The following CNTLN variants were observed in gnomAD, a reference collection of about 807,000 sequenced individuals.
CNTLN encodes the protein centlein, centrosomal protein.
A neutral mutation model predicts 180.0 loss-of-function variants in CNTLN; 212 were observed. The observed-to-expected ratio is 1.18, with a 90% confidence interval of 1.05 to 1.32. The LOEUF is 1.32. Among genes scored for constraint, CNTLN ranks in the 40% most tolerant of loss-of-function variants. The probability of loss-of-function intolerance (pLI) is 0.00; values close to 1 mark genes in which losing one functional copy is unlikely to be tolerated. For missense variants in CNTLN, 2,095 were observed against 1,610.9 expected, an observed-to-expected ratio of 1.30 and a Z score of -5.14; for synonymous variants, 722 against 563.1, an observed-to-expected ratio of 1.28 and a Z score of -3.99.
At chr9:17,380,543 G>A (rs1825158789) in intron 13 of CNTLN, among the ~76,000 whole-genome samples, 1 of 152,164 alleles carries the variant, frequency 6.6e-6, no homozygotes, top group Non-Finnish European at 1.5e-5. Flanking sequence ...CGTACAACAA[G>A]TCTGGTTGGG....
At chr9:17,508,999 G>A in the CNTLN span, among the ~76,000 whole-genome samples, 942 of 152,330 alleles carry the variant, frequency 6.2e-3, 10 homozygotes, top group African/African-American at 0.022. Context: ...CCTCAGCGAG[G>A]AGGATTTTAA....
chr9:17,290,235 C>G (rs1323199123), intron 6 of CNTLN, among the ~76,000 whole-genome samples: 1 of 152,032 alleles, frequency 6.6e-6, no homozygotes. Flanking sequence ...TCAGACAGGA[C>G]CCTCAGCTGC....
Position 17,502,700 on chromosome 9 carries a change from T to C in CNTLN, c.*48T>C. ...GCAAATGTGAAAACTTTTTATGTGG[T>C]GTGATTGGAATACATGCATTGCAAT... is the stretch of plus-strand genomic sequence containing the variant. On this transcript the variant is annotated 3_prime_UTR_variant, in exon 26 of 26. Coordinates refer to ENST00000380647, the MANE Select transcript of CNTLN (RefSeq NM_017738.4). The C allele has an allele frequency of 1.4e-6, 1 of 708,034 alleles. No individual in the cohort carries two copies. The highest frequency in any genetic ancestry group is 2.1e-5 in the South Asian group (1 of 46,892). 43.9% of individuals were successfully genotyped at this position (708,034 alleles called of 1,614,324 possible).
At chr9:17,368,669 G>T (rs752164849) in intron 13 of CNTLN, among the ~76,000 whole-genome samples, 1 of 152,186 alleles carries the variant, frequency 6.6e-6, no homozygotes, top group African/African-American at 2.4e-5. Flanking sequence ...GACTCTGTTT[G>T]TTTGGGAGAA....
At chr9:17,215,960 G>A (rs951963335) in intron 2 of CNTLN, among the ~76,000 whole-genome samples, 26 of 152,214 alleles carry the variant, frequency 1.7e-4, no homozygotes, top group African/African-American at 1.9e-4. Context: ...CACAGCTTCC[G>A]TTTGCTAGGA....
At chr9:17,287,121 C>G (rs1829034088) in intron 6 of CNTLN, among the ~76,000 whole-genome samples, 1 of 124,010 alleles carries the variant, frequency 8.1e-6, no homozygotes, top group Non-Finnish European at 1.7e-5. Context: ...TTTGCCCATT[C>G]AGTATGATAT....
chr9:17,466,192 C>G (rs1831737500), intron 22 of CNTLN, 74 bp downstream of exon 22: 3 of 1,367,410 alleles, frequency 2.2e-6, no homozygotes, highest in African/African-American at 1.5e-5. Context: ...AACATTGTTG[C>G]TTTTTCCTTC....
In CNTLN at chr9:17,332,712, G is replaced by T; in HGVS notation, c.1626G>T (p.Glu542Asp). The T allele has an allele frequency of 6.2e-7, 1 of 1,603,064 alleles. No individual in the cohort carries two copies. The highest frequency in any genetic ancestry group is 8.5e-7 in the Non-Finnish European group (1 of 1,176,048). ...RKAERKIENL[E>D]KALQLKSQEN... ...CTGAAAGAAAGATTGAAAACTTAGA[G>T]AAGGCACTACAACTAAAGGTGAACA... Residue 542 changes from glutamate (E) to aspartate (D), a missense_variant, in exon 10 of 26, where the codon GAG (glutamate) becomes GAT (aspartate). By Grantham distance (45) the Glu-to-Asp change is conservative. Transcript: ENST00000380647.
chr9:17,236,875 T>C (rs1419243762), intron 5 of CNTLN, among the ~76,000 whole-genome samples: 2 of 152,234 alleles, frequency 1.3e-5, no homozygotes, highest in Non-Finnish European at 2.9e-5. Context: ...TCATTGGTTT[T>C]AACTTTTTCA....
At chr9:17,329,493 C>G (rs1368242274) in intron 8 of CNTLN, among the ~76,000 whole-genome samples, 1 of 151,626 alleles carries the variant, frequency 6.6e-6, no homozygotes, top group Non-Finnish European at 1.5e-5. Flanking sequence ...GGTAACAGTA[C>G]AATGTAAACA....
At chr9:17,472,653 C>T (rs1467911600) in intron 23 of CNTLN, among the ~76,000 whole-genome samples, 1 of 152,006 alleles carries the variant, frequency 6.6e-6, no homozygotes, top group East Asian at 1.9e-4. Context: ...GCATTCAATA[C>T]CCAGGAGCCA....
chr9:17,238,504 T>C (rs1438833997), intron 5 of CNTLN, among the ~76,000 whole-genome samples: 1 of 152,140 alleles, frequency 6.6e-6, no homozygotes, highest in African/African-American at 2.4e-5. Context: ...AGAGAGGTTC[T>C]GTCTTGTACC....
intron 18 of CNTLN, among the ~76,000 whole-genome samples, chr9:17,423,227 C>T (rs1828849161): frequency 6.6e-6 from 1 of 152,114 alleles, no homozygotes; most frequent in Admixed American, 6.5e-5. Flanking sequence ...GCCTGGCTGC[C>T]ACTGATGTTT....
chr9:17,245,048 T>C (rs972031947), intron 5 of CNTLN, among the ~76,000 whole-genome samples: 1 of 152,194 alleles, frequency 6.6e-6, no homozygotes, highest in Admixed American at 6.5e-5. Context: ...TTACCTTTTA[T>C]TGCTTTTACT....
At chr9:17,483,528 C>A (rs999551225) in intron 23 of CNTLN, among the ~76,000 whole-genome samples, 1 of 152,162 alleles carries the variant, frequency 6.6e-6, no homozygotes, top group Non-Finnish European at 1.5e-5. Flanking sequence ...CTTGTGCTAA[C>A]AAAAGATTGG....
In CNTLN at chr9:17,416,869, TG is replaced by T. The variant is rs563196571; in HGVS notation, c.3114+681del. ...TGAATGATTTGTTAGAAAATTATTT[TG>T]CACAGAAAAATTTATTTCATTATAT... is the stretch of plus-strand genomic sequence containing the variant. On this transcript the variant is annotated intron_variant, in intron 18 of 25. Coordinates refer to ENST00000380647, the MANE Select transcript of CNTLN (RefSeq NM_017738.4). 4.0e-3 allele frequency among the ~76,000 whole-genome samples: 606 copies of T among 152,022 alleles called. 5 individuals carry two copies. Among genetic ancestry groups the T allele is most frequent in the African/African-American group, 0.014 (575 of 41,290 alleles).
intron 6 of CNTLN, among the ~76,000 whole-genome samples, chr9:17,276,428 T>C (rs531689941): frequency 3.3e-5 from 5 of 152,166 alleles, no homozygotes; most frequent in Non-Finnish European, 7.4e-5. Flanking sequence ...AAAAGTGGTC[T>C]AGGCACTTTC....
intron 2 of CNTLN, among the ~76,000 whole-genome samples, chr9:17,146,827 G>A (rs2131469066): frequency 6.6e-6 from 1 of 151,898 alleles, no homozygotes; most frequent in Admixed American, 6.6e-5. Context: ...CTTTTTCAAA[G>A]TAGCTTTCTT....
rs202082553 is a variant in CNTLN, at chr9:17,192,239, C to CTT, written c.450-33948_450-33947dup. 3.0e-3 allele frequency among the ~76,000 whole-genome samples: 398 copies of CTT among 134,502 alleles called. 4 individuals are homozygous for CTT. Among genetic ancestry groups the CTT allele is most frequent in the Non-Finnish European group, 5.2e-3 (324 of 61,832 alleles). 88.2% of individuals were successfully genotyped at this position (134,502 alleles called of 152,430 possible). ...GTAGCCCTCTGAGGTAGGCCCTATTCTTTTTTTTTTTTTTTTTGAGATGGA... is the reference window on the plus strand; with the variant it reads ...GTAGCCCTCTGAGGTAGGCCCTATTCTTTTTTTTTTTTTTTTTTTGAGATGGA... On this transcript the variant is annotated intron_variant, in intron 2 of 25. Transcript: ENST00000380647.
Sources: gnomAD v4.1 joint callset for allele counts (sites outside exome capture counted in the v4.1 genomes callset) on GRCh38, gnomAD v4.1.1 for gene constraint, MANE v1.5 for transcripts, NCBI Gene and HGNC (gene_info 2026-07-23, HGNC 2026-07-21) for gene names.